SLC9A9: variants seen among roughly 807,000 people sequenced by gnomAD.
The protein encoded by SLC9A9 is sodium/hydrogen exchanger 9.
SLC9A9 carries 62 observed loss-of-function variants against 77.8 expected under a neutral mutation model. That is an observed-to-expected ratio of 0.80 (90% confidence interval 0.65 to 0.98). SLC9A9 has a LOEUF of 0.98. Ranked by LOEUF, SLC9A9 falls within the 50% of genes least tolerant of loss-of-function variation. The pLI is 0.00. For synonymous variants in SLC9A9, 320 were observed against 283.5 expected (o/e 1.13, Z -1.29); for missense variants, 775 against 774.9 (o/e 1.00, Z 0.00).
intron 6 of SLC9A9, among the ~76,000 whole-genome samples, chr3:143,580,422 A>T (rs1309303201): frequency 6.6e-6 from 1 of 152,074 alleles, no homozygotes; most frequent in Non-Finnish European, 1.5e-5. Flanking sequence ...CCACCTCCAT[A>T]ACTTCCAGAA....
At chr3:143,451,650 A>G (rs2035008766) in intron 12 of SLC9A9, among the ~76,000 whole-genome samples, 1 of 152,124 alleles carries the variant, frequency 6.6e-6, no homozygotes, top group African/African-American at 2.4e-5. Context: ...AGAAAAGGGG[A>G]AGTTCCCCCT....
At chr3:143,739,932 T>TA (rs1367918522) in intron 4 of SLC9A9, among the ~76,000 whole-genome samples, 1 of 152,244 alleles carries the variant, frequency 6.6e-6, no homozygotes, top group Non-Finnish European at 1.5e-5. Context: ...TGCTTGTTTT[T>TA]ATCACTGTCC....
chr3:143,747,633 A>G (rs1239159998), intron 4 of SLC9A9, among the ~76,000 whole-genome samples: 1 of 152,214 alleles, frequency 6.6e-6, no homozygotes, highest in Non-Finnish European at 1.5e-5. Context: ...TAATGCAGTC[A>G]TAACATGAGG....
chr3:143,835,583 A>G (rs533892506), intron 1 of SLC9A9, among the ~76,000 whole-genome samples: 2 of 152,376 alleles, frequency 1.3e-5, no homozygotes, highest in East Asian at 3.9e-4. Context: ...ACACAATATC[A>G]TATATGAGTA....
At chr3:143,534,787 A>T (rs1306713542) in intron 9 of SLC9A9, among the ~76,000 whole-genome samples, 1 of 152,314 alleles carries the variant, frequency 6.6e-6, no homozygotes, top group East Asian at 1.9e-4. Context: ...GATCAAAAAG[A>T]TGTATTTGGA....
chr3:143,721,022 A>G (rs141445639), intron 4 of SLC9A9, among the ~76,000 whole-genome samples: 4 of 152,336 alleles, frequency 2.6e-5, no homozygotes, highest in African/African-American at 9.6e-5. Flanking sequence ...CAGCCTAGGC[A>G]ACATAGTGAG....
At chr3:143,303,985 T>C (rs1188725177) in intron 14 of SLC9A9, among the ~76,000 whole-genome samples, 1 of 152,202 alleles carries the variant, frequency 6.6e-6, no homozygotes, top group Non-Finnish European at 1.5e-5. Flanking sequence ...CCACTGGACA[T>C]TTACTGGCAC....
intron 13 of SLC9A9, among the ~76,000 whole-genome samples, chr3:143,375,376 C>A (rs1323839695): frequency 6.6e-6 from 1 of 152,152 alleles, no homozygotes; most frequent in African/African-American, 2.4e-5. Context: ...TATTCATACA[C>A]CTGTTTTTTA....
At chr3:143,561,746 C>T (rs1312062361) in intron 8 of SLC9A9, among the ~76,000 whole-genome samples, 1 of 152,096 alleles carries the variant, frequency 6.6e-6, no homozygotes, top group African/African-American at 2.4e-5. Flanking sequence ...AAACTCAATA[C>T]TCTTAAGTAA....
At chr3:143,739,069 T>C (rs974315621) in intron 4 of SLC9A9, among the ~76,000 whole-genome samples, 3 of 152,124 alleles carry the variant, frequency 2.0e-5, no homozygotes, top group Non-Finnish European at 4.4e-5. Flanking sequence ...TCCCCTCTCC[T>C]GGGGTTGAGT....
chr3:143,728,922 AT>A (rs1934733155), intron 4 of SLC9A9, among the ~76,000 whole-genome samples: 1 of 151,854 alleles, frequency 6.6e-6, no homozygotes, highest in East Asian at 1.9e-4. Context: ...GAAAATGTCC[AT>A]TGGTTATGTT....
Position 143,693,284 on chromosome 3 carries a change from T to G in SLC9A9, c.557A>C (p.Lys186Thr). Residue 186 changes from lysine to threonine, a missense_variant, in exon 5 of 16, where the codon AAG becomes ACG. By Grantham distance (78) the Lys-to-Thr change is moderately conservative. Coordinates refer to ENST00000316549, the MANE Select transcript of SLC9A9 (RefSeq NM_173653.4). ...VIGLIMYGFV[K>T]AMIHAGQLKN... ...CAGCTGGCCAGCATGTATCATAGCC[T>G]TCACAAAACCATACATAATTAACCT... 1 of 1,613,242 alleles carries G rather than the reference T, an allele frequency of 6.2e-7. No homozygotes were observed. The highest frequency in any genetic ancestry group is 8.5e-7 in the Non-Finnish European group (1 of 1,179,454).
chr3:143,622,141 G>A (rs1234105796), intron 6 of SLC9A9, among the ~76,000 whole-genome samples: 1 of 152,346 alleles, frequency 6.6e-6, no homozygotes, highest in South Asian at 2.1e-4. Context: ...ACGTCTGACT[G>A]GTGTACCTGA....
At chr3:143,277,199 T>C (rs1009620117) in intron 14 of SLC9A9, among the ~76,000 whole-genome samples, 1 of 152,184 alleles carries the variant, frequency 6.6e-6, no homozygotes, top group African/African-American at 2.4e-5. Context: ...AGGGGCCATA[T>C]TGGAATCATG....
chr3:143,510,249 C>T (rs1332828322), intron 9 of SLC9A9, among the ~76,000 whole-genome samples: 1 of 152,038 alleles, frequency 6.6e-6, no homozygotes, highest in Non-Finnish European at 1.5e-5. Context: ...TGTCTTTAAT[C>T]TCAAAACTAA....
chr3:143,739,975 T>C (rs1019053044), intron 4 of SLC9A9, among the ~76,000 whole-genome samples: 2 of 152,222 alleles, frequency 1.3e-5, no homozygotes, highest in Admixed American at 1.3e-4. Flanking sequence ...GTCCTATCCA[T>C]GTTCTATCCA....
At position 143,596,562 on chromosome 3, in the gene SLC9A9, T is replaced by C. The variant is rs144451256; in HGVS notation, c.756-17839A>G. Among the ~76,000 whole-genome samples the C allele has an allele frequency of 6.3e-3, 956 of 152,370 alleles. 10 individuals are homozygous for C. Among genetic ancestry groups the C allele is most frequent in the African/African-American group, 0.022 (916 of 41,592 alleles). Reference sequence around the variant, plus strand: ...CTGTTTTTATCAAGGATATGGTCTATGGGATCATTAAAATGATGTGACATC... The same window carrying C: ...CTGTTTTTATCAAGGATATGGTCTACGGGATCATTAAAATGATGTGACATC... On this transcript the variant is annotated intron_variant, in intron 6 of 15. Coordinates refer to ENST00000316549, the MANE Select transcript of SLC9A9 (RefSeq NM_173653.4).
At chr3:143,524,525 G>A (rs1161315116) in intron 9 of SLC9A9, among the ~76,000 whole-genome samples, 2 of 152,104 alleles carry the variant, frequency 1.3e-5, no homozygotes, top group East Asian at 1.9e-4. Flanking sequence ...TTTTGAAAAT[G>A]TTTGACAGTA....
intron 12 of SLC9A9, among the ~76,000 whole-genome samples, chr3:143,447,498 G>GT (rs1357135307): frequency 2.6e-5 from 4 of 152,118 alleles, no homozygotes; most frequent in Admixed American, 2.6e-4. Flanking sequence ...AGGGCAAGTT[G>GT]TTTTTTGCAA....
Sources: allele counts gnomAD v4.1 joint callset (sites outside exome capture counted in the v4.1 genomes callset), GRCh38; gene constraint gnomAD v4.1.1; transcripts MANE v1.5; gene names NCBI Gene and HGNC (gene_info 2026-07-23, HGNC 2026-07-21).